Variants in NELL1 observed in about 807,000 individuals in gnomAD.
NELL1 encodes the protein protein kinase C-binding protein NELL1.
In NELL1, 76 loss-of-function variants were observed where a neutral mutation model predicts 107.4. The observed-to-expected ratio is 0.71, with a 90% CI of 0.59 to 0.86. The LOEUF is 0.86. Ranked by LOEUF, NELL1 falls within the 40% of genes least tolerant of loss-of-function variation. The pLI, the probability that NELL1 is intolerant of heterozygous loss-of-function variation, is 0.00. For missense variants in NELL1, 1,024 were observed against 1,005.5 expected (o/e 1.02, Z -0.25); for synonymous variants, 353 against 341.2 (o/e 1.03, Z -0.38).
intron 4 of NELL1, among the ~76,000 whole-genome samples, chr11:20,876,146 G>A (rs750591193): frequency 6.6e-6 from 1 of 152,186 alleles, no homozygotes; most frequent in Non-Finnish European, 1.5e-5. Context: ...TAAGGAACCT[G>A]CTGAGCCTTG....
At chr11:20,963,166 A>G (rs1851322602) in intron 12 of NELL1, among the ~76,000 whole-genome samples, 1 of 152,130 alleles carries the variant, frequency 6.6e-6, no homozygotes, top group Non-Finnish European at 1.5e-5. Context: ...AGCAAGGAAG[A>G]GAGGAAGGGG....
chr11:20,915,717 A>ATATATATATATATATATATATT lies in NELL1; in HGVS notation c.604-2464_604-2463insATATATATATATATATATATTT. On this transcript the variant is annotated intron_variant, in intron 5 of 19. Transcript: ENST00000357134. The stretch of plus-strand genomic sequence containing the variant: ...TCATAGATGATATATATATATATAT[A>ATATATATATATATATATATATT]TTTTTTTTTTTTTTTTTTGAGAGGA... Among the ~76,000 whole-genome samples, 213 of 58,178 alleles carry ATATATATATATATATATATATT rather than the reference A, an allele frequency of 3.7e-3. 2 individuals carry two copies. The highest frequency in any genetic ancestry group is 5.1e-3 in the Non-Finnish European group (174 of 34,128). 38.2% of individuals were successfully genotyped at this position (58,178 alleles called of 152,430 possible).
At chr11:21,076,909 G>A (rs1342152371) in intron 12 of NELL1, among the ~76,000 whole-genome samples, 1 of 152,072 alleles carries the variant, frequency 6.6e-6, no homozygotes, top group African/African-American at 2.4e-5. Context: ...AGTGGGAGCA[G>A]TCTGAGATCC....
intron 11 of NELL1, among the ~76,000 whole-genome samples, chr11:20,957,924 C>T (rs531321043): frequency 6.6e-6 from 1 of 152,014 alleles, no homozygotes; most frequent in African/African-American, 2.4e-5. Flanking sequence ...GAAGAAAGAA[C>T]ATTTATCTAA....
chr11:20,799,915 G>C (rs1857248867), intron 3 of NELL1, among the ~76,000 whole-genome samples: 2 of 152,076 alleles, frequency 1.3e-5, no homozygotes, highest in African/African-American at 4.8e-5. Context: ...ATGTCTATGT[G>C]TATTCAATGT....
At position 21,181,696 on chromosome 11, in the gene NELL1, C is replaced by T. The variant is rs182791933; in HGVS notation, c.1427-47636C>T. ...AAATGTTCACACTTAATTTTGTTAA[C>T]ATTTCTTTTCTCTCTATTATCGCAG... On this transcript the variant is annotated intron_variant, in intron 13 of 19. Coordinates refer to ENST00000357134, the MANE Select transcript of NELL1 (RefSeq NM_006157.5). Among the ~76,000 whole-genome samples, 394 of 151,980 alleles carry T rather than the reference C, an allele frequency of 2.6e-3. 2 individuals carry two copies. Among genetic ancestry groups the T allele is most frequent in the Middle Eastern group, 0.01 (3 of 294 alleles).
At chr11:21,554,331 A>G (rs1431200030) in intron 16 of NELL1, among the ~76,000 whole-genome samples, 1 of 151,920 alleles carries the variant, frequency 6.6e-6, no homozygotes, top group African/African-American at 2.4e-5. Context: ...ATGTTTTTCA[A>G]CATGTTTCAC....
intron 13 of NELL1, among the ~76,000 whole-genome samples, chr11:21,132,369 C>CTTTGG (rs1238814284): frequency 1.3e-5 from 2 of 152,024 alleles, no homozygotes; most frequent in Non-Finnish European, 2.9e-5. Context: ...CCATTGGGCT[C>CTTTGG]GTTCCATCCT....
chr11:21,049,781 G>A (rs1051262538), intron 12 of NELL1, among the ~76,000 whole-genome samples: 3 of 151,934 alleles, frequency 2.0e-5, no homozygotes, highest in South Asian at 2.1e-4. Context: ...AGGTTCAAGC[G>A]ATTCTCCTGT....
At chr11:20,687,869 A>T (rs1436969150) in intron 2 of NELL1, among the ~76,000 whole-genome samples, 2 of 152,128 alleles carry the variant, frequency 1.3e-5, no homozygotes, top group Admixed American at 6.6e-5. Flanking sequence ...CTGGGATTAC[A>T]GGCATGAGCC....
At chr11:21,535,252 A>T (rs1004092639) in intron 16 of NELL1, among the ~76,000 whole-genome samples, 3 of 152,158 alleles carry the variant, frequency 2.0e-5, no homozygotes, top group African/African-American at 7.2e-5. Flanking sequence ...AACTGTTTCC[A>T]TGAGAACCTT....
At chr11:21,483,990 C>CATAT (rs781565679) in intron 15 of NELL1, among the ~76,000 whole-genome samples, 5,712 of 87,316 alleles carry the variant, frequency 0.065, 376 homozygotes, top group Non-Finnish European at 0.077. Flanking sequence ...TTTTACTTAA[C>CATAT]ATATATATAT....
chr11:20,942,073 T>A (rs1850866826), intron 10 of NELL1, among the ~76,000 whole-genome samples: 1 of 152,156 alleles, frequency 6.6e-6, no homozygotes, highest in African/African-American at 2.4e-5. Flanking sequence ...AAGACAGGAA[T>A]GTGTTTTAAA....
intron 15 of NELL1, among the ~76,000 whole-genome samples, chr11:21,453,559 G>C (rs1403343670): frequency 6.7e-6 from 1 of 150,052 alleles, no homozygotes. Context: ...ATTAGGTCTT[G>C]TTTTTTTTTC....
At position 21,409,281 on chromosome 11, in the gene NELL1, G is replaced by A. The variant is rs190320935; in HGVS notation, c.1645+38333G>A. The stretch of plus-strand genomic sequence containing the variant: ...AAATGATGAGTTCATGTCCTTTGTA[G>A]GGACATGGATGAAATTGGAAATCAT... On this transcript the variant is annotated intron_variant, in intron 15 of 19. Coordinates refer to ENST00000357134, the MANE Select transcript of NELL1 (RefSeq NM_006157.5). 1.7e-3 allele frequency among the ~76,000 whole-genome samples: 264 copies of A among 152,152 alleles called. 3 individuals carry two copies. The highest frequency in any genetic ancestry group is 6.0e-3 in the African/African-American group (248 of 41,516).
At chr11:20,730,898 G>A (rs1221301737) in intron 2 of NELL1, among the ~76,000 whole-genome samples, 4 of 152,244 alleles carry the variant, frequency 2.6e-5, no homozygotes. Flanking sequence ...CTGAGGGAGG[G>A]ATTACATTTT....
rs142711391 is a variant in NELL1, at chr11:21,056,437, T to C, written c.1301-57152T>C. 2.0e-3 allele frequency among the ~76,000 whole-genome samples: 307 copies of C among 152,226 alleles called. 3 individuals are homozygous for C. In the South Asian group the frequency reaches 0.02, roughly 10 times the overall value. On this transcript the variant is annotated intron_variant, in intron 12 of 19. Transcript: ENST00000357134. ...GTTTGGGTCCCTGTTTTACTCTTCA[T>C]CTAACTCCTTATTAAGTCACCTTCC...
chr11:21,149,849 G>A (rs912165287), intron 13 of NELL1, among the ~76,000 whole-genome samples: 1 of 151,978 alleles, frequency 6.6e-6, no homozygotes, highest in Non-Finnish European at 1.5e-5. Flanking sequence ...ATTTCAGGTA[G>A]GAATAATAAC....
At chr11:20,918,139 G>C (rs779179341) in intron 5 of NELL1, 43 bp from the exon 6 acceptor site, 11 of 1,080,444 alleles carry the variant, frequency 1.0e-5, no homozygotes, top group Non-Finnish European at 1.6e-5. Context: ...ATTTGAGCTG[G>C]TGACTGTAAT....
Sources: gnomAD v4.1 joint callset for allele counts (sites outside exome capture counted in the v4.1 genomes callset) on GRCh38, gnomAD v4.1.1 for gene constraint, MANE v1.5 for transcripts, NCBI Gene and HGNC (gene_info 2026-07-23, HGNC 2026-07-21) for gene names.